The following METTL14 variants were observed in gnomAD, a reference collection of about 807,000 sequenced individuals.
METTL14 encodes N(6)-adenosine-methyltransferase non-catalytic subunit METTL14.
Under a neutral mutation model 62.4 loss-of-function variants are expected in METTL14, and 32 were observed. That is an observed-to-expected ratio of 0.51 (90% CI 0.39 to 0.69). The LOEUF (loss-of-function observed/expected upper bound fraction) is 0.69, where lower values mean the gene tolerates loss of function less well. Ranked by LOEUF, METTL14 falls within the 30% of genes least tolerant of loss-of-function variation. METTL14 has a pLI of 0.00. For synonymous variants in METTL14, 150 were observed against 180.0 expected, an observed-to-expected ratio of 0.83 and a Z score of 1.34; for missense variants, 340 against 551.9, an observed-to-expected ratio of 0.62 and a Z score of 3.85.
intron 10 of METTL14, among the ~76,000 whole-genome samples, chr4:118,707,896 C>T (rs555359162): frequency 1.3e-5 from 2 of 150,898 alleles, no homozygotes; most frequent in East Asian, 2.0e-4. Flanking sequence ...TGCAGTGGCA[C>T]GATCTTGGCT....
Position 118,711,878 on chromosome 4 carries a change from G to C in METTL14, c.*1576G>C, listed in dbSNP as rs1382845523. ...GAAGTATCAGCTAAGGAGTGACCCT[G>C]TCCTATACACAGGGCTCTCTATTAC... is the stretch of plus-strand genomic sequence containing the variant. On this transcript the variant is annotated 3_prime_UTR_variant, in exon 11 of 11. Coordinates refer to ENST00000388822, the MANE Select transcript of METTL14 (RefSeq NM_020961.4). The C allele has an allele frequency of 1.3e-5, 2 of 152,154 alleles. No individual in the cohort carries two copies. The highest frequency in any genetic ancestry group is 2.9e-5 in the Non-Finnish European group (2 of 68,044). The allele number at this position is 152,154 out of a possible 1,614,324, so 9.4% of individuals were successfully genotyped here.
chr4:118,704,915 G>A (rs2110409065), intron 9 of METTL14, among the ~76,000 whole-genome samples: 1 of 152,286 alleles, frequency 6.6e-6, no homozygotes, highest in South Asian at 2.1e-4. Flanking sequence ...GGTATCTGAA[G>A]GTGGGGCATT....
intron 8 of METTL14, among the ~76,000 whole-genome samples, chr4:118,701,997 G>A (rs1344907962): frequency 6.6e-6 from 1 of 152,006 alleles, no homozygotes; most frequent in African/African-American, 2.4e-5. Flanking sequence ...AGAAAAGTAA[G>A]AGCGAAACAT....
chr4:118,708,612 A>G (rs1045335751), intron 10 of METTL14, among the ~76,000 whole-genome samples: 1 of 152,254 alleles, frequency 6.6e-6, no homozygotes, highest in Non-Finnish European at 1.5e-5. Context: ...TTAAAAAACA[A>G]TGAACTAAGT....
intron 10 of METTL14, among the ~76,000 whole-genome samples, chr4:118,706,862 A>G (rs899497314): frequency 9.9e-5 from 15 of 151,984 alleles, no homozygotes; most frequent in Admixed American, 3.9e-4. Flanking sequence ...ATGCTTATTT[A>G]CTATCTGTAT....
At chr4:118,692,119 A>G (rs771042874) in intron 5 of METTL14, 51 bp downstream of exon 5, 3 of 1,050,918 alleles carry the variant, frequency 2.9e-6, no homozygotes, top group Non-Finnish European at 4.3e-6. Context: ...AATTACATGC[A>G]TGTAATTTAT....
intron 7 of METTL14, among the ~76,000 whole-genome samples, chr4:118,697,567 A>C (rs1378674650): frequency 2.0e-5 from 3 of 152,168 alleles, no homozygotes; most frequent in Non-Finnish European, 4.4e-5. Context: ...TAGAAGACTT[A>C]AAATTTTGGT....
intron 5 of METTL14, among the ~76,000 whole-genome samples, chr4:118,692,378 C>G (rs1488391412): frequency 4.6e-5 from 7 of 151,516 alleles, no homozygotes; most frequent in Non-Finnish European, 5.9e-5. Context: ...ACAGGCACCC[C>G]CCACCGTGCC....
intron 5 of METTL14, among the ~76,000 whole-genome samples, chr4:118,693,561 A>G (rs1724318107): frequency 2.0e-5 from 3 of 152,306 alleles, no homozygotes; most frequent in South Asian, 4.1e-4. Context: ...TGTAAGCAAC[A>G]TTTCTCTTGA....
chr4:118,710,426 G>A lies in METTL14; in HGVS notation c.*124G>A. On this transcript the variant is annotated 3_prime_UTR_variant, in exon 11 of 11. Coordinates refer to ENST00000388822, the MANE Select transcript of METTL14 (RefSeq NM_020961.4). The stretch of plus-strand genomic sequence containing the variant: ...CACTTTGCTTTAATTTCTCTGAGCT[G>A]CAAGAATGTCTTAGCGAGCCTTGCT... The A allele has an allele frequency of 1.0e-6, 1 of 955,230 alleles. No individual in the cohort carries two copies. Among genetic ancestry groups the A allele is most frequent in the Non-Finnish European group, 1.5e-6 (1 of 653,864 alleles). The allele number at this position is 955,230 out of a possible 1,614,324, so 59.2% of individuals were successfully genotyped here.
At position 118,691,500 on chromosome 4, in the gene METTL14, T is replaced by TA. The variant is rs774205517; in HGVS notation, c.244-28dup. ...GTGATAGAGAAATAACCCCTATTTGTAAAATATTTACTTAATCTTATGTTT... is the reference window on the plus strand; with the variant it reads ...GTGATAGAGAAATAACCCCTATTTGTAAAAATATTTACTTAATCTTATGTTT... On this transcript the variant is annotated intron_variant, in intron 3 of 10. Coordinates refer to ENST00000388822, the MANE Select transcript of METTL14 (RefSeq NM_020961.4). 48 of 1,271,322 alleles carry TA rather than the reference T, an allele frequency of 3.8e-5. No individual in the cohort carries two copies. The Middle Eastern group carries it at 5.6e-4, about 15-fold the overall frequency. 78.8% of individuals were successfully genotyped at this position (1,271,322 alleles called of 1,614,324 possible).
chr4:118,698,792 A>G (rs1267109912), intron 7 of METTL14, among the ~76,000 whole-genome samples: 1 of 152,168 alleles, frequency 6.6e-6, no homozygotes, highest in Non-Finnish European at 1.5e-5. Flanking sequence ...TTCAAATGGA[A>G]GAGGTCATAG....
At chr4:118,688,760 G>A (rs28394646) in intron 2 of METTL14, among the ~76,000 whole-genome samples, 4,494 of 152,090 alleles carry the variant, frequency 0.03, 218 homozygotes, top group African/African-American at 0.1. Flanking sequence ...TGCAACCTCC[G>A]CCTCCAGGGT....
intron 9 of METTL14, among the ~76,000 whole-genome samples, chr4:118,704,972 A>G (rs1378662690): frequency 6.6e-6 from 1 of 152,166 alleles, no homozygotes; most frequent in Non-Finnish European, 1.5e-5. Flanking sequence ...CTAACTAGGT[A>G]GATAGTGTCA....
rs1033164868 is a variant in METTL14 at position 118,713,854 on chromosome 4, C to CT, written c.*3553dup. 10 of 152,202 alleles carry CT rather than the reference C, an allele frequency of 6.6e-5. No individual in the cohort carries two copies. Among genetic ancestry groups the CT allele is most frequent in the African/African-American group, 1.9e-4 (8 of 41,446 alleles). The allele number at this position is 152,202 out of a possible 1,614,324, so 9.4% of individuals were successfully genotyped here. A position where few individuals can be genotyped will look rare whatever the true frequency, so the allele number is the denominator to read the frequency against. ...CACATTGCTTCTGCTCTCAATAACT[C>CT]TATCATTTACTCGTATAAATATTGC... On this transcript the variant is annotated 3_prime_UTR_variant, in exon 11 of 11. Transcript: ENST00000388822.
At chr4:118,701,278 G>A (rs973572744) in intron 8 of METTL14, among the ~76,000 whole-genome samples, 3 of 149,088 alleles carry the variant, frequency 2.0e-5, no homozygotes, top group African/African-American at 7.4e-5. Context: ...CGACCTCCTG[G>A]ACTCAACTCA....
chr4:118,709,024 C>T (rs1724843330), intron 10 of METTL14, among the ~76,000 whole-genome samples: 1 of 152,054 alleles, frequency 6.6e-6, no homozygotes, highest in Non-Finnish European at 1.5e-5. Flanking sequence ...TAGCTGTTTA[C>T]CTACAGAAGT....
At chr4:118,690,035 CTTTTT>C (rs70941200) in intron 3 of METTL14, among the ~76,000 whole-genome samples, 2 of 86,656 alleles carry the variant, frequency 2.3e-5, no homozygotes, top group Non-Finnish European at 4.3e-5. Flanking sequence ...TAATAATATT[CTTTTT>C]TTTTTTTTTT....
chr4:118,692,131 C>A, intron 5 of METTL14, 63 bp downstream of exon 5: 2 of 970,580 alleles, frequency 2.1e-6, no homozygotes, highest in Non-Finnish European at 3.1e-6. Context: ...GTAATTTATC[C>A]AATTTGTGGA....
Sources: allele counts gnomAD v4.1 joint callset (sites outside exome capture counted in the v4.1 genomes callset), GRCh38; gene constraint gnomAD v4.1.1; transcripts MANE v1.5; gene names NCBI Gene and HGNC (gene_info 2026-07-23, HGNC 2026-07-21).